COX6A1: variants seen among roughly 807,000 people sequenced by gnomAD.
COX6A1 encodes cytochrome c oxidase subunit 6A1, also known as cytochrome c oxidase subunit 6A1, mitochondrial.
In COX6A1, 10 loss-of-function variants were observed where a neutral mutation model predicts 11.3. The observed-to-expected ratio is 0.88, with a 90% confidence interval of 0.54 to 1.50. The LOEUF is 1.50. Among genes scored for constraint, COX6A1 ranks in the 40% most tolerant of loss-of-function variants. COX6A1 has a pLI of 0.00. For missense variants in COX6A1, 149 were observed against 147.6 expected (o/e 1.01, Z -0.05); for synonymous variants, 81 against 60.6 (o/e 1.34, Z -1.57).
At chr12:120,438,293 T>C in intron 1 of COX6A1, 64 bp downstream of exon 1, 1 of 1,612,890 alleles carries the variant, frequency 6.2e-7, no homozygotes, top group Non-Finnish European at 8.5e-7. Flanking sequence ...GGAGGGACTG[T>C]GACCTTGGCC....
chr12:120,439,676 G>C (rs1461969377), intron 2 of COX6A1, among the ~76,000 whole-genome samples: 2 of 152,130 alleles, frequency 1.3e-5, no homozygotes, highest in Non-Finnish European at 2.9e-5. Flanking sequence ...TCTTGAATTT[G>C]TTGAGTCTTT....
At chr12:120,439,500 G>C (rs1260153928) in intron 2 of COX6A1, among the ~76,000 whole-genome samples, 2 of 151,920 alleles carry the variant, frequency 1.3e-5, no homozygotes, top group Non-Finnish European at 2.9e-5. Flanking sequence ...CCATTGCACT[G>C]CAGCCTGGGC....
At chr12:120,438,636 T>C in intron 2 of COX6A1, 115 bp downstream of exon 2, 1 of 1,407,442 alleles carries the variant, frequency 7.1e-7, no homozygotes, top group Non-Finnish European at 1.0e-6. Context: ...TTGTTTATCC[T>C]CACAAACAGA....
At chr12:120,440,136 A>G (rs1432083643) in intron 2 of COX6A1, 1 of 182,182 alleles carries the variant, frequency 5.5e-6, no homozygotes, top group Non-Finnish European at 1.2e-5. Context: ...TTTGAGGATT[A>G]CACTTTCATA....
rs764545997 is a variant in COX6A1 at position 120,438,526 on chromosome 12, G to A, written c.246+5G>A. On this transcript the variant is annotated splice_donor_5th_base_variant and intron_variant, in intron 2 of 2. Coordinates refer to ENST00000229379, the MANE Select transcript of COX6A1 (RefSeq NM_004373.4). Reference sequence around the variant, plus strand: ...CATCTCCGCATCAGGACCAAGGTACGCCCTTGTACATCTCTTCAAGCGTCC... The same window carrying A: ...CATCTCCGCATCAGGACCAAGGTACACCCTTGTACATCTCTTCAAGCGTCC... The A allele has an allele frequency of 6.2e-6, 10 of 1,614,178 alleles. No individual in the cohort carries two copies. The highest frequency in any genetic ancestry group is 3.3e-5 in the South Asian group (3 of 91,086).
intron 2 of COX6A1, among the ~76,000 whole-genome samples, chr12:120,439,176 T>C (rs1191184252): frequency 1.3e-5 from 2 of 152,242 alleles, no homozygotes; most frequent in East Asian, 3.8e-4. Flanking sequence ...GATGTAGATA[T>C]ATTACAATGT....
Position 120,440,685 on chromosome 12 carries a change from C to G in COX6A1, c.*148C>G. ...ATGACTGGTATACTGGTCTCCCATC[C>G]CTTTGCTTGTGGCAGGAGATGGCTT... is the stretch of plus-strand genomic sequence containing the variant. On this transcript the variant is annotated 3_prime_UTR_variant, in exon 3 of 3. Coordinates refer to ENST00000229379, the MANE Select transcript of COX6A1 (RefSeq NM_004373.4). 1 of 536,326 alleles carries G rather than the reference C, an allele frequency of 1.9e-6. No homozygotes were observed. The highest frequency in any genetic ancestry group is 3.4e-6 in the Non-Finnish European group (1 of 295,594). 33.2% of individuals were successfully genotyped at this position (536,326 alleles called of 1,614,324 possible). A position where few individuals can be genotyped will look rare whatever the true frequency, so the allele number is the denominator to read the frequency against.
In COX6A1 at chr12:120,440,453, G is replaced by C. The variant is rs1437613013; in HGVS notation, c.247-1G>C. On this transcript the variant is annotated splice_acceptor_variant, in intron 2 of 2. Coordinates refer to ENST00000229379, the MANE Select transcript of COX6A1 (RefSeq NM_004373.4). LOFTEE classifies it high-confidence loss of function. ...ATCTAACTGACATCTTCACTCCACA[G>C]CCGTTTCCCTGGGGAGATGGTAACC... is the stretch of plus-strand genomic sequence containing the variant. 1 of 1,611,520 alleles carries C rather than the reference G, an allele frequency of 6.2e-7. No individual in the cohort carries two copies. The highest frequency in any genetic ancestry group is 8.5e-7 in the Non-Finnish European group (1 of 1,177,732).
intron 2 of COX6A1, 149 bp downstream of exon 2, chr12:120,438,670 G>C: frequency 9.2e-7 from 1 of 1,091,802 alleles, no homozygotes; most frequent in Non-Finnish European, 1.3e-6. Context: ...TCCATTTTGT[G>C]GATGGACAGC....
chr12:120,440,176 G>C, intron 2 of COX6A1: 2 of 330,376 alleles, frequency 6.1e-6, no homozygotes, highest in Non-Finnish European at 1.2e-5. Context: ...TAGTTACTAG[G>C]GAGAGGATGA....
At chr12:120,438,591 A>T (rs1309397334) in intron 2 of COX6A1, 70 bp downstream of exon 2, 2 of 1,606,862 alleles carry the variant, frequency 1.2e-6, no homozygotes, top group Non-Finnish European at 1.7e-6. Context: ...CAAGTTCTTC[A>T]TTCTCTGAAG....
rs200045442 is a variant in COX6A1, at chr12:120,440,526, G to A, written c.319G>A (p.Glu107Lys). The part of the protein sequence containing the change: ...PHVNPLPTGY[E>K]DE ...TGTGAATCCACTTCCAACTGGCTAC[G>A]AAGATGAATAAAGAGAATCTGGACC... The change falls in exon 3 of 3, where the codon GAA becomes AAA. Residue 107 changes from glutamate (E) to lysine (K), a missense_variant. Coordinates refer to ENST00000229379, the MANE Select transcript of COX6A1 (RefSeq NM_004373.4). The A allele has an allele frequency of 4.4e-5, 70 of 1,606,974 alleles. No homozygotes were observed. The highest frequency in any genetic ancestry group is 6.7e-5 in the East Asian group (3 of 44,844).
chr12:120,440,290 A>C, intron 2 of COX6A1, 164 bp from the exon 3 acceptor site: 1 of 562,066 alleles, frequency 1.8e-6, no homozygotes, highest in East Asian at 3.0e-5. Context: ...TGGTAGTTAT[A>C]AGAGCTCCTT....
At chr12:120,440,078 A>G (rs1427279013) in intron 2 of COX6A1, 1 of 157,194 alleles carries the variant, frequency 6.4e-6, no homozygotes, top group African/African-American at 2.4e-5. Context: ...TCTGCATTTA[A>G]TTAAGCATCT....
intron 2 of COX6A1, chr12:120,438,764 T>C: frequency 2.5e-6 from 1 of 397,058 alleles, no homozygotes; most frequent in Non-Finnish European, 4.6e-6. Flanking sequence ...CGATTCATCC[T>C]ACCTCCTGCC....
At chr12:120,439,226 A>T (rs1877654749) in intron 2 of COX6A1, among the ~76,000 whole-genome samples, 1 of 152,180 alleles carries the variant, frequency 6.6e-6, no homozygotes, top group East Asian at 1.9e-4. Flanking sequence ...ACAAGGGCTT[A>T]TTCTGATTCT....
In COX6A1 at chr12:120,438,132, G is replaced by A. The variant is rs1462906657; in HGVS notation, c.6G>A (p.Ala2=). The A allele has an allele frequency of 1.9e-6, 3 of 1,613,260 alleles. No homozygotes were observed. Among genetic ancestry groups the A allele is most frequent in the Admixed American group, 3.3e-5 (2 of 59,946 alleles). Residue 2 remains alanine, a synonymous_variant, in exon 1 of 3, where the codon GCG becomes GCA. Transcript: ENST00000229379. ...TGCGGCAGTCCAGATCAAAAATGGCGGTAGTTGGTGTGTCCTCGGTTTCTC... is the reference window on the plus strand; with the variant it reads ...TGCGGCAGTCCAGATCAAAAATGGCAGTAGTTGGTGTGTCCTCGGTTTCTC... M[A]VVGVSSVSRL...
intron 1 of COX6A1, 71 bp downstream of exon 1, chr12:120,438,300 G>A (rs1877621595): frequency 1.9e-6 from 3 of 1,612,964 alleles, no homozygotes; most frequent in Non-Finnish European, 2.5e-6. Context: ...CTGTGACCTT[G>A]GCCCGAGGCC....
At position 120,440,536 on chromosome 12, in the gene COX6A1, A is replaced by C. The variant is rs376655800; in HGVS notation, c.329A>C (p.Ter110SerextTer41). 2.5e-6 allele frequency: 4 copies of C among 1,602,498 alleles called. No homozygotes were observed. In the African/African-American group the frequency reaches 4.0e-5, roughly 16 times the overall value. ...CTTCCAACTGGCTACGAAGATGAAT[A>C]AAGAGAATCTGGACCACTACCCGGG... ...NPLPTGYEDE[*>S] The change falls in exon 3 of 3, where the codon TAA becomes TCA. Residue 110 changes from the stop codon to serine, a stop_lost. Coordinates refer to ENST00000229379, the MANE Select transcript of COX6A1 (RefSeq NM_004373.4).
Sources: allele counts gnomAD v4.1 joint callset (sites outside exome capture counted in the v4.1 genomes callset), GRCh38; gene constraint gnomAD v4.1.1; transcripts MANE v1.5; gene names NCBI Gene and HGNC (gene_info 2026-07-23, HGNC 2026-07-21).